PCDHGB4: variants seen among roughly 807,000 people sequenced by gnomAD.
PCDHGB4 encodes protocadherin gamma-B4.
A neutral mutation model predicts 60.5 loss-of-function variants in PCDHGB4; 38 were observed. The ratio of observed to expected loss-of-function variants is 0.63; its 90% CI spans 0.48 to 0.82. The LOEUF (loss-of-function observed/expected upper bound fraction) is 0.82. Among genes scored for constraint, PCDHGB4 ranks in the 40% least tolerant of loss-of-function variants. PCDHGB4 has a pLI of 0.00. For missense variants in PCDHGB4, 1,109 were observed against 1,209.6 expected (o/e 0.92, Z 1.23); for synonymous variants, 456 against 509.7 (o/e 0.89, Z 1.42).
chr5:141,403,634 A>C, intron 1 of PCDHGB4: 1 of 1,613,920 alleles, frequency 6.2e-7, no homozygotes, highest in Non-Finnish European at 8.5e-7. Context: ...CACAGTGCGC[A>C]TCCATGTGAC....
Position 141,412,979 on chromosome 5 carries a change from C to G in PCDHGB4, c.2397+22698C>G, listed in dbSNP as rs2154544283. ...CACCTACTAGGAGAGAAAACGCAGCCAGAGCTCAATCCGGATTCTCAGGGC... is the reference window on the plus strand; with the variant it reads ...CACCTACTAGGAGAGAAAACGCAGCGAGAGCTCAATCCGGATTCTCAGGGC... On this transcript the variant is annotated intron_variant, in intron 1 of 3. Coordinates refer to ENST00000519479, the MANE Select transcript of PCDHGB4 (RefSeq NM_003736.4). 5.5e-6 allele frequency: 3 copies of G among 542,930 alleles called. No individual in the cohort carries two copies. In the East Asian group the frequency reaches 9.2e-5, roughly 17 times the overall value. 33.6% of individuals were successfully genotyped at this position (542,930 alleles called of 1,614,324 possible). A position where few individuals can be genotyped will look rare whatever the true frequency, so the allele number is the denominator to read the frequency against.
Position 141,511,159 on chromosome 5 carries a change from AAGG to A in PCDHGB4, c.2761_2763del (p.Glu921del), listed in dbSNP as rs1477173987. 3 of 1,614,186 alleles carry A rather than the reference AAGG, an allele frequency of 1.9e-6. No individual in the cohort carries two copies. The highest frequency in any genetic ancestry group is 2.2e-5 in the East Asian group (1 of 44,872). On this transcript the variant is annotated inframe_deletion, in exon 4 of 4. Coordinates refer to ENST00000519479, the MANE Select transcript of PCDHGB4 (RefSeq NM_003736.4). ...TGGCAACAAGAAGAAGTCGGGCAAG[AAGG>A]AGAAGAAGTAACATGGAGGCCAGGC... is the stretch of plus-strand genomic sequence containing the variant.
intron 1 of PCDHGB4, chr5:141,423,750 TGGG>T: frequency 4.5e-5 from 13 of 287,436 alleles, no homozygotes; most frequent in South Asian, 1.7e-4. Flanking sequence ...GAAAACTGTT[TGGG>T]GGGGGGGTGG....
rs922668811 is a variant in PCDHGB4 at position 141,432,984 on chromosome 5, G to A, written c.2397+42703G>A. On this transcript the variant is annotated intron_variant, in intron 1 of 3. Transcript: ENST00000519479. This position sits in a 1 kb window ranked among gnomAD's most constrained non-coding sequence, Gnocchi z 6.0. ...GGAGCGCCGGCGTCGCACTTTGTGG[G>A]CGTGGACGGGGTGCAGGCTTTCCTG... 1.9e-6 allele frequency: 3 copies of A among 1,614,214 alleles called. No individual in the cohort carries two copies. Among genetic ancestry groups the A allele is most frequent in the Admixed American group, 1.7e-5 (1 of 60,028 alleles).
At position 141,418,812 on chromosome 5, in the gene PCDHGB4, A is replaced by T. The variant is rs761899929; in HGVS notation, c.2397+28531A>T. 4 of 1,613,914 alleles carry T rather than the reference A, an allele frequency of 2.5e-6. No individual in the cohort carries two copies. In the South Asian group the frequency reaches 4.4e-5, roughly 18 times the overall value. On this transcript the variant is annotated intron_variant, in intron 1 of 3. Transcript: ENST00000519479. ...GAAGAAGTAGAAAGATATACGATAA[A>T]CATAGAAGCAAAAGACCGAGGATCT... is the stretch of plus-strand genomic sequence containing the variant.
intron 1 of PCDHGB4, among the ~76,000 whole-genome samples, chr5:141,450,013 T>A (rs1178482524): frequency 7.4e-6 from 1 of 135,940 alleles, no homozygotes; most frequent in African/African-American, 3.2e-5. Flanking sequence ...TCTCTTTTTT[T>A]TTTTTTTTTT....
At chr5:141,403,003 C>T in intron 1 of PCDHGB4, 3 of 1,613,970 alleles carry the variant, frequency 1.9e-6, no homozygotes, top group South Asian at 1.1e-5. Flanking sequence ...TCCTGCTATG[C>T]TCGCTCCTGG....
Position 141,387,860 on chromosome 5 carries a change from G to T in PCDHGB4, c.-25G>T. On this transcript the variant is annotated 5_prime_UTR_variant, in exon 1 of 4. Transcript: ENST00000519479. ...TGTAACCCGGCGTCTCCAGGCTGGT[G>T]AGCAAGCTGAGGAGAGCAAGAGGGA... 1 of 1,593,236 alleles carries T rather than the reference G, an allele frequency of 6.3e-7. No individual in the cohort carries two copies. The highest frequency in any genetic ancestry group is 8.5e-7 in the Non-Finnish European group (1 of 1,171,022).
intron 1 of PCDHGB4, chr5:141,408,038 C>G (rs2095030679): frequency 8.6e-7 from 1 of 1,156,402 alleles, no homozygotes; most frequent in Admixed American, 3.0e-5. Flanking sequence ...AGAAAACCAG[C>G]TCCCACACAG....
intron 1 of PCDHGB4, chr5:141,398,750 A>G (rs144881560): frequency 1.1e-5 from 17 of 1,613,502 alleles, no homozygotes; most frequent in Middle Eastern, 1.6e-4. Flanking sequence ...CAGAGTTACC[A>G]TCGTTTAGTC....
At chr5:141,419,259 C>T (rs765877993) in intron 1 of PCDHGB4, 2 of 1,613,900 alleles carry the variant, frequency 1.2e-6, no homozygotes, top group South Asian at 2.2e-5. Flanking sequence ...AACAACCAGC[C>T]GGGTGCCTCC....
chr5:141,456,550 C>T (rs1017343381), intron 1 of PCDHGB4, among the ~76,000 whole-genome samples: 2 of 152,166 alleles, frequency 1.3e-5, no homozygotes, highest in African/African-American at 4.8e-5. Context: ...TGTAGCCACT[C>T]GGGGCTGAAG....
intron 1 of PCDHGB4, among the ~76,000 whole-genome samples, chr5:141,453,518 C>G (rs1347368114): frequency 6.6e-6 from 1 of 152,114 alleles, no homozygotes; most frequent in African/African-American, 2.4e-5. Context: ...CATTCCTCCC[C>G]TATACCTTCT....
intron 1 of PCDHGB4, among the ~76,000 whole-genome samples, chr5:141,452,137 GT>G (rs2098734666): frequency 6.6e-6 from 1 of 152,044 alleles, no homozygotes; most frequent in Non-Finnish European, 1.5e-5. Flanking sequence ...TGGCTCATGT[GT>G]TTTTTCCAAT....
chr5:141,489,592 C>A lies in PCDHGB4; in HGVS notation c.2398-5215C>A, dbSNP rs747085985. On this transcript the variant is annotated intron_variant, in intron 1 of 3. Coordinates refer to ENST00000519479, the MANE Select transcript of PCDHGB4 (RefSeq NM_003736.4). The surrounding 1 kb of genome is among the most constrained non-coding windows in gnomAD (Gnocchi z 4.5). ...GACTGAACACCCCCTGGAGCTAATCCGTGTAGAGGTAGAGATCCTGGATCT... is the reference window on the plus strand; with the variant it reads ...GACTGAACACCCCCTGGAGCTAATCAGTGTAGAGGTAGAGATCCTGGATCT... 3 of 1,614,046 alleles carry A rather than the reference C, an allele frequency of 1.9e-6. No homozygotes were observed. Among genetic ancestry groups the A allele is most frequent in the Non-Finnish European group, 2.5e-6 (3 of 1,179,978 alleles).
At position 141,431,782 on chromosome 5, in the gene PCDHGB4, C is replaced by A. The variant is rs767269112; in HGVS notation, c.2397+41501C>A. The A allele has an allele frequency of 6.2e-7, 1 of 1,614,082 alleles. No homozygotes were observed. On this transcript the variant is annotated intron_variant, in intron 1 of 3. Transcript: ENST00000519479. This position sits in a 1 kb window ranked among gnomAD's most constrained non-coding sequence, Gnocchi z 4.8. Reference sequence around the variant, plus strand: ...TCCTGATCACTGTTCTGGACGTGAACGACAATGCCCCAGAAGTGGTCCTCA... The same window carrying A: ...TCCTGATCACTGTTCTGGACGTGAAAGACAATGCCCCAGAAGTGGTCCTCA...
intron 1 of PCDHGB4, chr5:141,399,680 A>G (rs1182095574): frequency 1.2e-6 from 2 of 1,613,514 alleles, no homozygotes; most frequent in East Asian, 2.2e-5. Context: ...GCCTTTGACT[A>G]CGAGCAGCTG....
In PCDHGB4 at chr5:141,471,046, CTTT is replaced by C. The variant is rs1170588345; in HGVS notation, c.2398-23743_2398-23741del. ...ATTTTTATTAACAAGCCCAAGCCCT[CTTT>C]TTTTTTTTTTTTTTTTTGAGACAGG... On this transcript the variant is annotated intron_variant, in intron 1 of 3. Coordinates refer to ENST00000519479, the MANE Select transcript of PCDHGB4 (RefSeq NM_003736.4). 4.8e-4 allele frequency among the ~76,000 whole-genome samples: 54 copies of C among 113,240 alleles called. 1 individual carries two copies. Among genetic ancestry groups the C allele is most frequent in the Middle Eastern group, 5.2e-3 (1 of 192 alleles). 74.3% of individuals were successfully genotyped at this position (113,240 alleles called of 152,430 possible).
intron 1 of PCDHGB4, chr5:141,409,236 C>T (rs1305954301): frequency 1.2e-6 from 2 of 1,613,866 alleles, no homozygotes; most frequent in Non-Finnish European, 8.5e-7. Flanking sequence ...GACAACAGCC[C>T]AGAAATAATC....
Sources: gnomAD v4.1 joint callset for allele counts (sites outside exome capture counted in the v4.1 genomes callset) on GRCh38, gnomAD v4.1.1 for gene constraint, Gnocchi (gnomAD v3.1) non-coding constraint, MANE v1.5 for transcripts, NCBI Gene and HGNC (gene_info 2026-07-23, HGNC 2026-07-21) for gene names.